Variants in RIF1 observed in about 807,000 individuals in gnomAD.
RIF1 encodes telomere-associated protein RIF1.
In RIF1, 45 loss-of-function variants were observed where a neutral mutation model predicts 247.1. The observed-to-expected ratio is 0.18, with a 90% confidence interval of 0.14 to 0.23. The LOEUF (loss-of-function observed/expected upper bound fraction) is 0.23, where lower values mean the gene tolerates loss of function less well. RIF1 is among the 10% of genes least tolerant of loss of function. The probability of loss-of-function intolerance (pLI) is 1.00; values close to 1 mark genes in which losing one functional copy is unlikely to be tolerated. For synonymous variants in RIF1, 1,087 were observed against 978.8 expected (o/e 1.11, Z -2.06); for missense variants, 2,967 against 2,862.5 (o/e 1.04, Z -0.83).
chr2:151,529,373 T>TA, the RIF1 span: 13 of 1,116,192 alleles, frequency 1.2e-5, no homozygotes, highest in Admixed American at 3.6e-5. Flanking sequence ...CTGAGCATCT[T>TA]AAAAAACAAG....
chr2:151,444,792 A>C (rs2444270), intron 18 of RIF1, among the ~76,000 whole-genome samples: 1 of 151,980 alleles, frequency 6.6e-6, no homozygotes, highest in African/African-American at 2.4e-5. Context: ...CCTGGGATTC[A>C]TTTTTAGAAC....
intron 9 of RIF1, among the ~76,000 whole-genome samples, chr2:151,430,229 G>T (rs992552909): frequency 6.6e-5 from 10 of 152,018 alleles, no homozygotes; most frequent in African/African-American, 1.9e-4. Flanking sequence ...CACCGTGTTA[G>T]CCAGGATGGT....
rs1452496278 is a variant in RIF1, at chr2:151,476,292, T to C, written c.*1221T>C. 6.6e-6 allele frequency: 1 copy of C among 152,220 alleles called. No homozygotes were observed. Among genetic ancestry groups the C allele is most frequent in the East Asian group, 1.9e-4 (1 of 5,206 alleles). The allele number at this position is 152,220 out of a possible 1,614,324, so 9.4% of individuals were successfully genotyped here. On this transcript the variant is annotated 3_prime_UTR_variant, in exon 36 of 36. Coordinates refer to ENST00000444746, the MANE Select transcript of RIF1 (RefSeq NM_018151.5). ...ATTTGAAACTGATGTTTTTAATATA[T>C]GTCTGTGTTGCCTAGGTTTTCTTTT...
chr2:151,527,832 C>T, the RIF1 span, among the ~76,000 whole-genome samples: 1 of 152,210 alleles, frequency 6.6e-6, no homozygotes, highest in African/African-American at 2.4e-5. Context: ...TGAAATGATT[C>T]TTCAATCTCT....
chr2:151,488,188 T>C (rs2052701654), intron 9 of RIF1, among the ~76,000 whole-genome samples: 1 of 152,116 alleles, frequency 6.6e-6, no homozygotes, highest in Non-Finnish European at 1.5e-5. Flanking sequence ...TTATTCTTTT[T>C]CAATATTAAT....
intron 10 of RIF1, 111 bp downstream of exon 10, chr2:151,433,339 A>T (rs1230519910): frequency 1.4e-6 from 1 of 737,862 alleles, no homozygotes; most frequent in Non-Finnish European, 2.1e-6. Flanking sequence ...GCAGACTAGA[A>T]CATATAAAAG....
chr2:151,488,298 C>T (rs2052846888), intron 9 of RIF1, among the ~76,000 whole-genome samples: 1 of 152,086 alleles, frequency 6.6e-6, no homozygotes, highest in East Asian at 1.9e-4. Context: ...ATTGGCCAGA[C>T]TTTTATACTT....
At chr2:151,430,830 T>A (rs1393686051) in intron 9 of RIF1, among the ~76,000 whole-genome samples, 5 of 152,202 alleles carry the variant, frequency 3.3e-5, no homozygotes, top group South Asian at 2.1e-4. Flanking sequence ...ATTTTTGTAT[T>A]TTTTGTAGAG....
In RIF1 at chr2:151,465,308, C is replaced by G; in HGVS notation, c.5788C>G (p.Gln1930Glu). ...NVGNEASFHG[Q>E]ERTKTGISEE... is the part of the protein sequence containing the mutation. The stretch of plus-strand genomic sequence containing the variant: ...AGGAAATGAAGCTAGCTTTCATGGA[C>G]AAGAGAGAACCAAAACTGGTATTTC... The change falls in exon 30 of 36, where the codon CAA (glutamine) becomes GAA (glutamate). Residue 1930 changes from glutamine (Q) to glutamate (E), a missense_variant. Transcript: ENST00000444746. The G allele has an allele frequency of 1.2e-6, 2 of 1,613,578 alleles. No individual in the cohort carries two copies. The highest frequency in any genetic ancestry group is 1.1e-5 in the South Asian group (1 of 90,948).
At chr2:151,459,261 C>G (rs1162491769) in intron 25 of RIF1, among the ~76,000 whole-genome samples, 1 of 152,144 alleles carries the variant, frequency 6.6e-6, no homozygotes, top group Non-Finnish European at 1.5e-5. Flanking sequence ...AATTGATTTT[C>G]TCAATTCTTC....
At position 151,443,729 on chromosome 2, in the gene RIF1, C is replaced by A. The variant is rs185310599; in HGVS notation, c.1986+20C>A. 4 of 1,433,666 alleles carry A rather than the reference C, an allele frequency of 2.8e-6. No individual in the cohort carries two copies. The highest frequency in any genetic ancestry group is 3.7e-6 in the Non-Finnish European group (4 of 1,086,268). The allele number at this position is 1,433,666 out of a possible 1,614,324, so 88.8% of individuals were successfully genotyped here. On this transcript the variant is annotated intron_variant, in intron 18 of 35. Transcript: ENST00000444746. Reference sequence around the variant, plus strand: ...AATCAGGTATGAAATAAATCTGCTACGTATTTTGGATAATAGACCTTTTTT... The same window carrying A: ...AATCAGGTATGAAATAAATCTGCTAAGTATTTTGGATAATAGACCTTTTTT...
At chr2:151,469,263 G>A (rs1306093421) in intron 33 of RIF1, among the ~76,000 whole-genome samples, 2 of 152,132 alleles carry the variant, frequency 1.3e-5, no homozygotes, top group African/African-American at 2.4e-5. Flanking sequence ...AATTATTTCA[G>A]GTAGTTTGTG....
At chr2:151,471,807 G>A (rs966266715) in intron 34 of RIF1, among the ~76,000 whole-genome samples, 1 of 152,180 alleles carries the variant, frequency 6.6e-6, no homozygotes, top group Admixed American at 6.5e-5. Flanking sequence ...GTAGCATGAT[G>A]TCTCCAGCTT....
the RIF1 span, chr2:151,524,478 C>T: frequency 6.2e-7 from 1 of 1,612,880 alleles, no homozygotes; most frequent in Non-Finnish European, 8.5e-7. Flanking sequence ...TTGGCAATGG[C>T]TGTTGGGGAC....
downstream of RIF1, among the ~76,000 whole-genome samples, chr2:151,508,792 T>A (rs964403159): frequency 5.9e-5 from 9 of 152,208 alleles, no homozygotes; most frequent in African/African-American, 2.2e-4. Context: ...TTCCTTGGGC[T>A]CCCCTGTCCT....
At chr2:151,505,691 G>T in intron 12 of RIF1, 2 of 787,520 alleles carry the variant, frequency 2.5e-6, no homozygotes, top group Non-Finnish European at 2.2e-6. Context: ...AATAACGCAG[G>T]CTTTATACTT....
chr2:151,456,430 T>C (rs1695210311), intron 22 of RIF1, 148 bp from the exon 23 acceptor site: 2 of 513,556 alleles, frequency 3.9e-6, no homozygotes. Flanking sequence ...GTATTTGAGT[T>C]TTTTACTTGT....
At chr2:151,446,345 AT>A in intron 19 of RIF1, 80 bp from the exon 20 acceptor site, 1 of 1,312,498 alleles carries the variant, frequency 7.6e-7, no homozygotes, top group Non-Finnish European at 1.1e-6. Context: ...TTTTTAAAAA[AT>A]GTTAAAGATG....
chr2:151,493,775 C>G, intron 9 of RIF1: 2 of 1,559,086 alleles, frequency 1.3e-6, no homozygotes, highest in African/African-American at 1.4e-5. Flanking sequence ...TCTAAAATAC[C>G]GAGCTAAAGT....
Sources: allele counts gnomAD v4.1 joint callset (sites outside exome capture counted in the v4.1 genomes callset), GRCh38; gene constraint gnomAD v4.1.1; transcripts MANE v1.5; gene names NCBI Gene and HGNC (gene_info 2026-07-23, HGNC 2026-07-21).